CDH1: variants seen among roughly 807,000 people sequenced by gnomAD.
CDH1 encodes cadherin-1.
In CDH1, 35 loss-of-function variants were observed where a neutral mutation model predicts 84.5. That is an observed-to-expected ratio of 0.41 (90% CI 0.32 to 0.55). CDH1 has a LOEUF of 0.55. CDH1 is among the 20% of genes least tolerant of loss of function. CDH1 has a pLI of 0.19. For missense variants in CDH1, 994 were observed against 1,126.6 expected (o/e 0.88, Z 1.68); for synonymous variants, 417 against 439.0 (o/e 0.95, Z 0.63).
At chr16:68,741,783 A>C (rs1962569387) in intron 2 of CDH1, among the ~76,000 whole-genome samples, 2 of 152,008 alleles carry the variant, frequency 1.3e-5, no homozygotes, top group Admixed American at 6.6e-5. Flanking sequence ...CAGTTCAAGC[A>C]ATTCTCCTGT....
chr16:68,759,126 T>C (rs926709325), intron 2 of CDH1, among the ~76,000 whole-genome samples: 8 of 151,940 alleles, frequency 5.3e-5, no homozygotes, highest in African/African-American at 1.9e-4. Context: ...TTTTGAAAAA[T>C]ACAAGGTCTC....
chr16:68,753,149 G>A (rs1962927069), intron 2 of CDH1, among the ~76,000 whole-genome samples: 1 of 142,082 alleles, frequency 7.0e-6, no homozygotes, highest in Non-Finnish European at 1.5e-5. Context: ...GGAGGTGGAG[G>A]TTGCAGTAAG....
rs910919905 is a variant in CDH1, at chr16:68,811,606, G to T, written c.833-78G>T. 3 of 1,278,258 alleles carry T rather than the reference G, an allele frequency of 2.3e-6. No individual in the cohort carries two copies. In the South Asian group the frequency reaches 3.6e-5, roughly 15 times the overall value. 79.2% of individuals were successfully genotyped at this position (1,278,258 alleles called of 1,614,324 possible). On this transcript the variant is annotated intron_variant, in intron 6 of 15. Transcript: ENST00000261769. Reference sequence around the variant, plus strand: ...CATGTCCCCTCCTTTATCCCTCAGGGCAGAATTGGATTAAGCAGTATTGAC... The same window carrying T: ...CATGTCCCCTCCTTTATCCCTCAGGTCAGAATTGGATTAAGCAGTATTGAC...
At chr16:68,753,693 T>A (rs1052752693) in intron 2 of CDH1, among the ~76,000 whole-genome samples, 1 of 152,196 alleles carries the variant, frequency 6.6e-6, no homozygotes, top group African/African-American at 2.4e-5. Flanking sequence ...GGTAATGGCT[T>A]AATGGGTAGT....
chr16:68,788,015 C>T (rs1329409733), intron 2 of CDH1, among the ~76,000 whole-genome samples: 2 of 151,920 alleles, frequency 1.3e-5, no homozygotes, highest in African/African-American at 2.4e-5. Context: ...TTAGTAGAGA[C>T]GAGGTTTCAC....
At chr16:68,795,723 T>C (rs981809221) in intron 2 of CDH1, among the ~76,000 whole-genome samples, 5 of 150,622 alleles carry the variant, frequency 3.3e-5, no homozygotes, top group Admixed American at 2.0e-4. Context: ...CTTGAACTCC[T>C]GACCTCAGGT....
chr16:68,787,548 T>A (rs994283287), intron 2 of CDH1, among the ~76,000 whole-genome samples: 1 of 152,100 alleles, frequency 6.6e-6, no homozygotes, highest in African/African-American at 2.4e-5. Flanking sequence ...CCTACTATGT[T>A]GCCCAGGCTG....
chr16:68,750,853 A>T (rs1217360966), intron 2 of CDH1, among the ~76,000 whole-genome samples: 1 of 151,650 alleles, frequency 6.6e-6, no homozygotes, highest in Non-Finnish European at 1.5e-5. Flanking sequence ...ACAGACACAC[A>T]TCACCATGCC....
chr16:68,833,701 C>A lies in CDH1; in HGVS notation c.*202C>A. Reference sequence around the variant, plus strand: ...GTGTTAGAAAAGTTTCGACTTATTTCTTAAAGCTTTTTTTTTTTTCCCATC... The same window carrying A: ...GTGTTAGAAAAGTTTCGACTTATTTATTAAAGCTTTTTTTTTTTTCCCATC... On this transcript the variant is annotated 3_prime_UTR_variant, in exon 16 of 16. Transcript: ENST00000261769. 3 of 567,506 alleles carry A rather than the reference C, an allele frequency of 5.3e-6. No homozygotes were observed. Among genetic ancestry groups the A allele is most frequent in the Non-Finnish European group, 6.3e-6 (2 of 319,708 alleles). The allele number at this position is 567,506 out of a possible 1,614,324, so 35.2% of individuals were successfully genotyped here.
intron 2 of CDH1, among the ~76,000 whole-genome samples, chr16:68,786,966 A>T (rs138052816): frequency 6.6e-4 from 100 of 152,282 alleles, no homozygotes; most frequent in African/African-American, 2.3e-3. Context: ...TGCAAGCCTC[A>T]CATTCATTCT....
At chr16:68,832,867 C>T (rs1353610063) in intron 15 of CDH1, among the ~76,000 whole-genome samples, 1 of 152,002 alleles carries the variant, frequency 6.6e-6, no homozygotes, top group Admixed American at 6.6e-5. Context: ...CCTTAGTTCC[C>T]ACACCCCCAC....
chr16:68,819,325 G>A lies in CDH1; in HGVS notation c.1611G>A (p.Pro537=), dbSNP rs1060504173. 6.2e-6 allele frequency: 10 copies of A among 1,613,990 alleles called. No individual in the cohort carries two copies. The highest frequency in any genetic ancestry group is 2.7e-5 in the African/African-American group (2 of 74,900). The change falls in exon 11 of 16, where the codon CCG becomes CCA. Residue 537 remains proline, a synonymous_variant. Transcript: ENST00000261769. ...CTGCCAACTGGCTGGAGATTAATCC[G>A]GACACTGGTGCCATTTCCACTCGGG... The part of the protein sequence containing the change: ...RDTANWLEIN[P]DTGAISTRAE...
At chr16:68,756,523 C>T (rs565021591) in intron 2 of CDH1, among the ~76,000 whole-genome samples, 1 of 152,222 alleles carries the variant, frequency 6.6e-6, no homozygotes, top group South Asian at 2.1e-4. Flanking sequence ...GAGATACTAG[C>T]CCTAGATCTC....
chr16:68,768,930 T>A (rs567039786), intron 2 of CDH1, among the ~76,000 whole-genome samples: 17 of 152,314 alleles, frequency 1.1e-4, no homozygotes, highest in South Asian at 8.3e-4. Flanking sequence ...CCCCCAGGCA[T>A]CCTCATGCCA....
chr16:68,809,279 A>G, intron 5 of CDH1, among the ~76,000 whole-genome samples: 1 of 145,498 alleles, frequency 6.9e-6, no homozygotes. Flanking sequence ...GGCTGGAACC[A>G]CAACCTCCAC....
At chr16:68,738,435 C>A in intron 2 of CDH1, 24 bp downstream of exon 2, 1 of 1,498,924 alleles carries the variant, frequency 6.7e-7, no homozygotes, top group Non-Finnish European at 9.1e-7. Flanking sequence ...GCCGGTGTCC[C>A]TGGGCGGAGT....
At chr16:68,738,563 A>C (rs1962467488) in intron 2 of CDH1, 152 bp downstream of exon 2, 1 of 602,102 alleles carries the variant, frequency 1.7e-6, no homozygotes. Context: ...TTGGGGATCC[A>C]AACGTTTACG....
At chr16:68,809,399 A>G (rs1387950073) in intron 5 of CDH1, among the ~76,000 whole-genome samples, 1 of 152,112 alleles carries the variant, frequency 6.6e-6, no homozygotes. Context: ...ATGAGGTTTT[A>G]CCATGTTGGC....
intron 2 of CDH1, among the ~76,000 whole-genome samples, chr16:68,787,508 ATTT>A (rs879379287): frequency 6.9e-6 from 1 of 144,774 alleles, no homozygotes. Flanking sequence ...TTAGTTGTTG[ATTT>A]TTTTTTTTTT....
Sources: gnomAD v4.1 joint callset for allele counts (sites outside exome capture counted in the v4.1 genomes callset) on GRCh38, gnomAD v4.1.1 for gene constraint, MANE v1.5 for transcripts, NCBI Gene and HGNC (gene_info 2026-07-23, HGNC 2026-07-21) for gene names.